IL33: variants seen among roughly 807,000 people sequenced by gnomAD.
The protein encoded by IL33 is interleukin-33.
A neutral mutation model predicts 27.3 loss-of-function variants in IL33; 37 were observed. The ratio of observed to expected loss-of-function variants is 1.36; its 90% confidence interval spans 1.04 to 1.78. The LOEUF is 1.78. Among genes scored for constraint, IL33 ranks in the 40% most tolerant of loss-of-function variants. The probability of loss-of-function intolerance (pLI) is 0.00; values close to 1 mark genes in which losing one functional copy is unlikely to be tolerated. For synonymous variants in IL33, 132 were observed against 102.9 expected, an observed-to-expected ratio of 1.28 and a Z score of -1.71; for missense variants, 406 against 311.4, an observed-to-expected ratio of 1.30 and a Z score of -2.29.
intron 1 of IL33, among the ~76,000 whole-genome samples, chr9:6,225,313 T>C (rs1818580404): frequency 6.6e-6 from 1 of 152,230 alleles, no homozygotes; most frequent in Non-Finnish European, 1.5e-5. Context: ...ACTGAAACTC[T>C]ACTTTTCTTC....
chr9:6,221,909 A>G (rs762258915), intron 1 of IL33, among the ~76,000 whole-genome samples: 18 of 152,328 alleles, frequency 1.2e-4, no homozygotes, highest in South Asian at 2.1e-4. Flanking sequence ...TTTTCATTTT[A>G]GTAGCTTTCA....
chr9:6,228,556 T>G (rs1818762826), intron 1 of IL33, among the ~76,000 whole-genome samples: 1 of 150,670 alleles, frequency 6.6e-6, no homozygotes, highest in African/African-American at 2.4e-5. Context: ...GTGAGAACTT[T>G]CTGAATCCAT....
At chr9:6,236,479 T>C (rs372136516) in intron 1 of IL33, among the ~76,000 whole-genome samples, 3 of 152,216 alleles carry the variant, frequency 2.0e-5, no homozygotes, top group East Asian at 1.9e-4. Context: ...ATCTGTGTCC[T>C]TCTATATTAT....
At chr9:6,224,387 G>A (rs1225755474) in intron 1 of IL33, among the ~76,000 whole-genome samples, 1 of 152,152 alleles carries the variant, frequency 6.6e-6, no homozygotes, top group Non-Finnish European at 1.5e-5. Flanking sequence ...GATATATATT[G>A]CATCCTGTTT....
chr9:6,239,040 C>T (rs916641626), intron 1 of IL33, among the ~76,000 whole-genome samples: 2 of 152,042 alleles, frequency 1.3e-5, no homozygotes, highest in Admixed American at 6.6e-5. Context: ...TTGTCTGATT[C>T]TGAGAGAGAA....
chr9:6,216,136 T>C (rs543499759), intron 1 of IL33, among the ~76,000 whole-genome samples: 5 of 152,118 alleles, frequency 3.3e-5, no homozygotes, highest in Non-Finnish European at 7.4e-5. Flanking sequence ...TTATTTTATT[T>C]TATGTTTTTT....
chr9:6,230,500 T>C (rs778212111), intron 1 of IL33, among the ~76,000 whole-genome samples: 17 of 152,090 alleles, frequency 1.1e-4, no homozygotes, highest in Admixed American at 8.5e-4. Context: ...AAGAAAGAAG[T>C]GAAACTGCTA....
intron 6 of IL33, 149 bp downstream of exon 6, chr9:6,253,751 C>G (rs1055988007): frequency 3.4e-6 from 2 of 584,484 alleles, no homozygotes; most frequent in South Asian, 2.5e-5. Flanking sequence ...CTTAGATTCT[C>G]AGAGGATGCA....
intron 5 of IL33, 64 bp from the exon 6 acceptor site, chr9:6,253,488 T>C: frequency 9.4e-7 from 1 of 1,066,444 alleles, no homozygotes; most frequent in Non-Finnish European, 1.4e-6. Context: ...GTTATGTGTG[T>C]GTTGGAACTG....
intron 4 of IL33, 41 bp downstream of exon 4, chr9:6,251,306 G>C: frequency 6.2e-7 from 1 of 1,607,632 alleles, no homozygotes; most frequent in Non-Finnish European, 8.5e-7. Flanking sequence ...TGAGGAGGGA[G>C]GTATGACACA....
intron 1 of IL33, among the ~76,000 whole-genome samples, chr9:6,232,629 C>T (rs1818978981): frequency 6.6e-6 from 1 of 152,090 alleles, no homozygotes; most frequent in African/African-American, 2.4e-5. Flanking sequence ...TTCTTGTGTG[C>T]ACATTTCCCA....
At chr9:6,225,607 T>C (rs1432472181) in intron 1 of IL33, among the ~76,000 whole-genome samples, 1 of 152,264 alleles carries the variant, frequency 6.6e-6, no homozygotes, top group Non-Finnish European at 1.5e-5. Context: ...AAATGTTTAT[T>C]TCACAAGTTC....
chr9:6,217,049 T>G (rs141170416), intron 1 of IL33, among the ~76,000 whole-genome samples: 2 of 152,034 alleles, frequency 1.3e-5, no homozygotes, highest in East Asian at 3.9e-4. Context: ...GGCAAAGGGC[T>G]TAGGGGAATA....
At chr9:6,238,859 G>C (rs775833465) in intron 1 of IL33, among the ~76,000 whole-genome samples, 2 of 152,162 alleles carry the variant, frequency 1.3e-5, no homozygotes, top group Non-Finnish European at 2.9e-5. Context: ...TGATGTCGAA[G>C]CCAGATTGCA....
intron 2 of IL33, among the ~76,000 whole-genome samples, chr9:6,244,245 C>T (rs1459202658): frequency 2.0e-5 from 3 of 152,130 alleles, no homozygotes; most frequent in African/African-American, 7.2e-5. Context: ...TAATCTCAAA[C>T]TCATTTGTAT....
At chr9:6,224,279 T>A (rs1444607245) in intron 1 of IL33, among the ~76,000 whole-genome samples, 1 of 152,192 alleles carries the variant, frequency 6.6e-6, no homozygotes, top group Non-Finnish European at 1.5e-5. Context: ...ACTATATAAC[T>A]GTAAAATCTG....
chr9:6,246,775 G>GAC (rs1199296406), intron 2 of IL33, among the ~76,000 whole-genome samples: 2 of 152,172 alleles, frequency 1.3e-5, no homozygotes, highest in East Asian at 3.9e-4. Context: ...ACCATGTGAT[G>GAC]ACACAGCAAG....
intron 1 of IL33, among the ~76,000 whole-genome samples, chr9:6,225,764 A>AG (rs1818596308): frequency 6.6e-6 from 1 of 152,048 alleles, no homozygotes; most frequent in Non-Finnish European, 1.5e-5. Context: ...TCTGTCACCC[A>AG]GGGGCTAGAG....
Position 6,254,471 on chromosome 9 carries a change from T to G in IL33, c.530T>G (p.Val177Gly). The change falls in exon 7 of 8, where the codon GTT (valine) becomes GGT (glycine). Residue 177 changes from valine (V) to glycine (G), a missense_variant. By Grantham distance (109) the Val-to-Gly change is moderately radical. Coordinates refer to ENST00000682010, the MANE Select transcript of IL33 (RefSeq NM_033439.4). The part of the protein sequence containing the change: ...QHPSNESGDG[V>G]DGKMLMVTLS... The stretch of plus-strand genomic sequence containing the variant: ...CTTTCTTAATTGTAAGGTGACGGTG[T>G]TGATGGTAAGATGTTAATGGTAACC... 6.3e-7 allele frequency: 1 copy of G among 1,582,534 alleles called. No individual in the cohort carries two copies. The highest frequency in any genetic ancestry group is 8.6e-7 in the Non-Finnish European group (1 of 1,161,044).
Sources: allele counts gnomAD v4.1 joint callset (sites outside exome capture counted in the v4.1 genomes callset), GRCh38; gene constraint gnomAD v4.1.1; transcripts MANE v1.5; gene names NCBI Gene and HGNC (gene_info 2026-07-23, HGNC 2026-07-21).